Variants in DNMT3A observed in about 807,000 individuals in gnomAD.
The protein encoded by DNMT3A is DNA methyltransferase 3 alpha.
Under a neutral mutation model 117.6 loss-of-function variants are expected in DNMT3A, and 267 were observed. The observed-to-expected ratio is 2.27, with a 90% CI of 2.05 to 2.51. DNMT3A has a LOEUF of 2.51. DNMT3A is among the 30% of genes most tolerant of loss of function. The pLI is 0.00. For missense variants in DNMT3A, 1,029 were observed against 1,260.2 expected (o/e 0.82, Z 2.78); for synonymous variants, 432 against 474.8 (o/e 0.91, Z 1.17).
At chr2:25,320,702 A>T (rs1189430569) in intron 1 of DNMT3A, among the ~76,000 whole-genome samples, 4 of 152,246 alleles carry the variant, frequency 2.6e-5, no homozygotes, top group African/African-American at 9.6e-5. Flanking sequence ...GCTGTGAATA[A>T]TAGTTTTATC....
chr2:25,234,169 G>T lies in DNMT3A; in HGVS notation c.*110C>A. 5 of 1,458,616 alleles carry T rather than the reference G, an allele frequency of 3.4e-6. No homozygotes were observed. In the East Asian group the frequency reaches 1.2e-4, roughly 35 times the overall value. The allele number at this position is 1,458,616 out of a possible 1,614,324, so 90.4% of individuals were successfully genotyped here. ...TGTTTTAAATTCCTTTTTCTCTTCT[G>T]GGTGCTGATACTTCTCTCCATCCTC... On this transcript the variant is annotated 3_prime_UTR_variant, in exon 23 of 23. Coordinates refer to ENST00000321117, the MANE Select transcript of DNMT3A (RefSeq NM_022552.5). The surrounding 1 kb of genome is among the most constrained non-coding windows in gnomAD (Gnocchi z 4.5).
chr2:25,341,835 G>A lies in DNMT3A; in HGVS notation c.-187C>T. On this transcript the variant is annotated 5_prime_UTR_variant, in exon 1 of 23. Coordinates refer to ENST00000321117, the MANE Select transcript of DNMT3A (RefSeq NM_022552.5). ...CAGCGGCGCTCATTACCGTATGGCC[G>A]GTGGGGTCGGGCCGGCCCGGCTGCG... 1.0e-6 allele frequency: 1 copy of A among 979,634 alleles called. No homozygotes were observed. Among genetic ancestry groups the A allele is most frequent in the Non-Finnish European group, 1.2e-6 (1 of 827,706 alleles). 60.7% of individuals were successfully genotyped at this position (979,634 alleles called of 1,614,324 possible).
intron 3 of DNMT3A, among the ~76,000 whole-genome samples, chr2:25,288,323 GC>G (rs1462220339): frequency 6.6e-6 from 1 of 151,948 alleles, no homozygotes; most frequent in Non-Finnish European, 1.5e-5. Context: ...AGTCCCAGCT[GC>G]TGGGGAGGCA....
intron 1 of DNMT3A, among the ~76,000 whole-genome samples, chr2:25,324,129 A>G (rs2034701430): frequency 6.6e-6 from 1 of 152,178 alleles, no homozygotes. Flanking sequence ...AGGGCACTGG[A>G]GCATGCTAAT....
intron 6 of DNMT3A, chr2:25,249,495 C>T (rs1421476521): frequency 5.2e-6 from 4 of 775,016 alleles, no homozygotes; most frequent in Admixed American, 4.5e-5. Context: ...TTACCAGATT[C>T]GACCCCTTCT....
At position 25,234,555 on chromosome 2, in the gene DNMT3A, C is replaced by CAACT; in HGVS notation, c.2598-139_2598-136dup. On this transcript the variant is annotated intron_variant, in intron 22 of 22. Transcript: ENST00000321117. The surrounding 1 kb of genome is among the most constrained non-coding windows in gnomAD (Gnocchi z 4.5). Reference sequence around the variant, plus strand: ...CAGGGACAGGGGCACTCACACCCACCAACTCCTCTGACGCCTGCTTAGTTC... The same window carrying CAACT: ...CAGGGACAGGGGCACTCACACCCACCAACTAACTCCTCTGACGCCTGCTTAGTTC... The CAACT allele has an allele frequency of 9.9e-7, 1 of 1,007,564 alleles. No individual in the cohort carries two copies. The allele number at this position is 1,007,564 out of a possible 1,614,324, so 62.4% of individuals were successfully genotyped here. A position where few individuals can be genotyped will look rare whatever the true frequency, so the allele number is the denominator to read the frequency against.
At chr2:25,242,615 C>T (rs1036414291) in intron 16 of DNMT3A, among the ~76,000 whole-genome samples, 2 of 152,192 alleles carry the variant, frequency 1.3e-5, no homozygotes, top group African/African-American at 2.4e-5. Context: ...GAAGCCATCC[C>T]CTCCGCCTCA....
At position 25,298,780 on chromosome 2, in the gene DNMT3A, C is replaced by A. The variant is rs748571951; in HGVS notation, c.177+1359G>T. On this transcript the variant is annotated intron_variant, in intron 3 of 22. Coordinates refer to ENST00000321117, the MANE Select transcript of DNMT3A (RefSeq NM_022552.5). The surrounding 1 kb of genome is among the most constrained non-coding windows in gnomAD (Gnocchi z 4.3). ...GAATGAATTTCATTCATTACATATC[C>A]ACGTTTGCTTTAATATTAAAAGGTT... is the stretch of plus-strand genomic sequence containing the variant. Among the ~76,000 whole-genome samples the A allele has an allele frequency of 1.4e-4, 21 of 152,164 alleles. No homozygotes were observed. The highest frequency in any genetic ancestry group is 2.8e-4 in the Non-Finnish European group (19 of 68,028).
chr2:25,246,331 C>T (rs1341822001), intron 10 of DNMT3A, 22 bp from the exon 11 acceptor site: 7 of 1,585,562 alleles, frequency 4.4e-6, no homozygotes, highest in Non-Finnish European at 6.0e-6. Flanking sequence ...AAGCAGGTGC[C>T]AAGGTCAGTT....
At chr2:25,240,594 G>T (rs1188781128) in intron 18 of DNMT3A, 46 bp downstream of exon 18, 1 of 1,610,522 alleles carries the variant, frequency 6.2e-7, no homozygotes, top group Admixed American at 1.7e-5. Context: ...AAGCCTATGT[G>T]CGGAAGCACC....
Position 25,247,614 on chromosome 2 carries a change from A to T in DNMT3A, c.991T>A (p.Phe331Ile). Residue 331 changes from phenylalanine (F) to isoleucine (I), a missense_variant, in exon 8 of 23, where the codon TTC (phenylalanine) becomes ATC (isoleucine). Coordinates refer to ENST00000321117, the MANE Select transcript of DNMT3A (RefSeq NM_022552.5). This position sits in a 1 kb window ranked among gnomAD's most constrained non-coding sequence, Gnocchi z 5.6. ...ACCACTGAGAATTTGCCGTCTCCGA[A>T]CCACATGACCCAGCGGGTGCCTTCA... is the stretch of plus-strand genomic sequence containing the variant. ...AAEGTRWVMW[F>I]GDGKFSVVCV... The T allele has an allele frequency of 6.2e-7, 1 of 1,613,944 alleles. No homozygotes were observed. Among genetic ancestry groups the T allele is most frequent in the Non-Finnish European group, 8.5e-7 (1 of 1,179,958 alleles).
At chr2:25,333,328 C>CT (rs1227757033) in intron 1 of DNMT3A, among the ~76,000 whole-genome samples, 184 of 142,672 alleles carry the variant, frequency 1.3e-3, no homozygotes, top group East Asian at 2.2e-3. Flanking sequence ...ACTTGCAGGT[C>CT]TTTTTTTTTT....
chr2:25,311,589 G>A lies in DNMT3A; in HGVS notation c.72+2324C>T, dbSNP rs761192114. On this transcript the variant is annotated intron_variant, in intron 2 of 22. Transcript: ENST00000321117. This position sits in a 1 kb window ranked among gnomAD's most constrained non-coding sequence, Gnocchi z 5.2. ...TGTGAGTGTGCACTCTATCAGCACC[G>A]GGATCTAGGGCTGGGTGTGTGTTTG... 5.3e-5 allele frequency among the ~76,000 whole-genome samples: 8 copies of A among 152,178 alleles called. No homozygotes were observed. The highest frequency in any genetic ancestry group is 2.0e-4 in the Admixed American group (3 of 15,286).
Position 25,228,200 on chromosome 2 carries a change from TAAAAAAAAAAAAAAAAAAAAAAAAAAAAA to T in DNMT3A, c.*6050_*6078del, listed in dbSNP as rs58128643. 15 of 2,506 alleles carry T rather than the reference TAAAAAAAAAAAAAAAAAAAAAAAAAAAAA, an allele frequency of 6.0e-3. No homozygotes were observed. Among genetic ancestry groups the T allele is most frequent in the South Asian group, 0.012 (1 of 84 alleles). 0.2% of individuals were successfully genotyped at this position (2,506 alleles called of 1,614,324 possible). A position where few individuals can be genotyped will look rare whatever the true frequency, so the allele number is the denominator to read the frequency against. ...TTGTCAATAAATAGAGAAGCAACCC[TAAAAAAAAAAAAAAAAAAAAAAAAAAAAA>T]AAAAAAAAAAAAAAAAAAAAAAATA... On this transcript the variant is annotated 3_prime_UTR_variant, in exon 23 of 23. Transcript: ENST00000321117.
At chr2:25,271,841 G>C (rs2030934438) in intron 6 of DNMT3A, among the ~76,000 whole-genome samples, 1 of 152,184 alleles carries the variant, frequency 6.6e-6, no homozygotes, top group South Asian at 2.1e-4. Context: ...TACCTTCATT[G>C]GTTGGGAGTG....
At chr2:25,267,357 T>C (rs565921299) in intron 6 of DNMT3A, among the ~76,000 whole-genome samples, 1 of 152,160 alleles carries the variant, frequency 6.6e-6, no homozygotes, top group Non-Finnish European at 1.5e-5. Flanking sequence ...AAGGACTGCT[T>C]GAGCCCAGGA....
At chr2:25,263,325 T>C (rs1676767092) in intron 6 of DNMT3A, among the ~76,000 whole-genome samples, 1 of 152,134 alleles carries the variant, frequency 6.6e-6, no homozygotes, top group African/African-American at 2.4e-5. Context: ...ATGCTTCATG[T>C]TGGGCTCTTT....
At chr2:25,326,104 ATATATGTGTGTGTG>A (rs1455649809) in intron 1 of DNMT3A, among the ~76,000 whole-genome samples, 2 of 109,940 alleles carry the variant, frequency 1.8e-5, no homozygotes, top group African/African-American at 8.2e-5. Flanking sequence ...TTAACTTGAT[ATATATGTGTGTGTG>A]TGTGTGTGTG....
intron 14 of DNMT3A, 82 bp from the exon 15 acceptor site, chr2:25,244,420 C>T (rs574938213): frequency 2.0e-5 from 31 of 1,512,248 alleles, no homozygotes; most frequent in Middle Eastern, 1.8e-4. Context: ...ATGGAAAGAC[C>T]GGGTCTGGAG....
Sources: allele counts gnomAD v4.1 joint callset (sites outside exome capture counted in the v4.1 genomes callset), GRCh38; gene constraint gnomAD v4.1.1; non-coding constraint Gnocchi (gnomAD v3.1); transcripts MANE v1.5; gene names NCBI Gene and HGNC (gene_info 2026-07-23, HGNC 2026-07-21).